Variants in ZSWIM5 observed in about 807,000 individuals in gnomAD.
ZSWIM5 encodes zinc finger SWIM domain-containing protein 5.
A neutral mutation model predicts 119.6 loss-of-function variants in ZSWIM5; 55 were observed. That is an observed-to-expected ratio of 0.46 (90% confidence interval 0.37 to 0.58). The LOEUF is 0.58. ZSWIM5 is among the 20% of genes least tolerant of loss of function. The pLI is 0.00. For synonymous variants in ZSWIM5, 537 were observed against 606.9 expected (o/e 0.88, Z 1.69); for missense variants, 1,193 against 1,512.8 (o/e 0.79, Z 3.51).
At chr1:45,107,573 C>T (rs931008169) in intron 1 of ZSWIM5, among the ~76,000 whole-genome samples, 11 of 135,398 alleles carry the variant, frequency 8.1e-5, no homozygotes, top group Non-Finnish European at 1.4e-4. Flanking sequence ...ACCCGGGAGG[C>T]GGAGCTTGCA....
intron 11 of ZSWIM5, among the ~76,000 whole-genome samples, chr1:45,026,965 T>A (rs1324327367): frequency 2.6e-5 from 4 of 152,256 alleles, no homozygotes; most frequent in African/African-American, 9.6e-5. Flanking sequence ...AAGAAATTGG[T>A]CCATCTAATT....
At chr1:45,193,558 C>T (rs1320681690) in intron 1 of ZSWIM5, among the ~76,000 whole-genome samples, 1 of 151,888 alleles carries the variant, frequency 6.6e-6, no homozygotes, top group Non-Finnish European at 1.5e-5. Flanking sequence ...AGAATGAGGA[C>T]TAGAAAAAAG....
intron 1 of ZSWIM5, among the ~76,000 whole-genome samples, chr1:45,178,338 C>T (rs1323418768): frequency 2.0e-5 from 3 of 152,078 alleles, no homozygotes; most frequent in Non-Finnish European, 4.4e-5. Flanking sequence ...GCTGGAGAGT[C>T]GCTTGAACCT....
At chr1:45,034,593 A>G in intron 10 of ZSWIM5, 124 bp from the exon 11 acceptor site, 4 of 1,206,092 alleles carry the variant, frequency 3.3e-6, no homozygotes, top group Non-Finnish European at 4.5e-6. Context: ...AGAGCTTTGA[A>G]GGTTTTTAAA....
Position 45,025,759 on chromosome 1 carries a change from GCAATATGTACAATCCCTTCCTTTC to G in ZSWIM5, c.2450-4995_2450-4972del, listed in dbSNP as rs564710370. On this transcript the variant is annotated intron_variant, in intron 11 of 13. Coordinates refer to ENST00000359600, the MANE Select transcript of ZSWIM5 (RefSeq NM_020883.2). ...ACATAGTCAATCATGTCATTTGTGA[GCAATATGTACAATCCCTTCCTTTC>G]CAATATGTACAATCCCTGGCTTACA... Among the ~76,000 whole-genome samples the G allele has an allele frequency of 1.1e-4, 16 of 152,274 alleles. No homozygotes were observed. In the South Asian group the frequency reaches 3.1e-3, roughly 30 times the overall value.
intron 1 of ZSWIM5, among the ~76,000 whole-genome samples, chr1:45,194,741 G>A (rs564833537): frequency 2.2e-3 from 333 of 152,160 alleles, no homozygotes; most frequent in Non-Finnish European, 3.4e-3. Context: ...GCCAGGCGTG[G>A]TGGCGGGCAT....
chr1:45,189,955 C>T lies in ZSWIM5; in HGVS notation c.595+15801G>A, dbSNP rs1190897392. ...TTGATACTTCCCAGCCCAATGTTGACAGTAAATGAACAAACGCAGTGGGCA... is the reference window on the plus strand; with the variant it reads ...TTGATACTTCCCAGCCCAATGTTGATAGTAAATGAACAAACGCAGTGGGCA... On this transcript the variant is annotated intron_variant, in intron 1 of 13. Transcript: ENST00000359600. Among the ~76,000 whole-genome samples, 4 of 152,142 alleles carry T rather than the reference C, an allele frequency of 2.6e-5. No homozygotes were observed. In the East Asian group the frequency reaches 5.8e-4, roughly 22 times the overall value.
At chr1:45,076,272 C>T (rs565939625) in intron 2 of ZSWIM5, among the ~76,000 whole-genome samples, 1 of 152,156 alleles carries the variant, frequency 6.6e-6, no homozygotes, top group African/African-American at 2.4e-5. Context: ...GATAGAAGTA[C>T]TCTCTTTTAG....
chr1:45,162,393 G>T (rs1392014971), intron 1 of ZSWIM5, among the ~76,000 whole-genome samples: 1 of 152,216 alleles, frequency 6.6e-6, no homozygotes, highest in East Asian at 1.9e-4. Flanking sequence ...CCAGTCTACA[G>T]CTCCCAGGGT....
rs542098902 is a variant in ZSWIM5 at position 45,149,856 on chromosome 1, C to T, written c.595+55900G>A. Among the ~76,000 whole-genome samples, 18 of 152,176 alleles carry T rather than the reference C, an allele frequency of 1.2e-4. No individual in the cohort carries two copies. In the South Asian group the frequency reaches 3.5e-3, roughly 30 times the overall value. Reference sequence around the variant, plus strand: ...AAAAATTAATCCATTAACTTTTAAACTACCATATAAAAGGGACAAGAAGGA... The same window carrying T: ...AAAAATTAATCCATTAACTTTTAAATTACCATATAAAAGGGACAAGAAGGA... On this transcript the variant is annotated intron_variant, in intron 1 of 13. Coordinates refer to ENST00000359600, the MANE Select transcript of ZSWIM5 (RefSeq NM_020883.2).
At chr1:45,026,941 A>G (rs985524320) in intron 11 of ZSWIM5, among the ~76,000 whole-genome samples, 1 of 152,070 alleles carries the variant, frequency 6.6e-6, no homozygotes, top group African/African-American at 2.4e-5. Flanking sequence ...GAGTTTTGGT[A>G]GATTGTTTTT....
Position 45,206,605 on chromosome 1 carries a change from C to T in ZSWIM5, c.-255G>A, listed in dbSNP as rs1361257697. 3 of 918,178 alleles carry T rather than the reference C, an allele frequency of 3.3e-6. No individual in the cohort carries two copies. The highest frequency in any genetic ancestry group is 2.3e-4 in the East Asian group (2 of 8,580). The allele number at this position is 918,178 out of a possible 1,614,324, so 56.9% of individuals were successfully genotyped here. A position where few individuals can be genotyped will look rare whatever the true frequency, so the allele number is the denominator to read the frequency against. Reference sequence around the variant, plus strand: ...GTCCTGGCCGCCGCGGACGCGAAGACAGGCGGGAGCGAGCGCGGGCCCGCG... The same window carrying T: ...GTCCTGGCCGCCGCGGACGCGAAGATAGGCGGGAGCGAGCGCGGGCCCGCG... On this transcript the variant is annotated 5_prime_UTR_variant, in exon 1 of 14. Transcript: ENST00000359600.
intron 1 of ZSWIM5, among the ~76,000 whole-genome samples, chr1:45,177,902 T>C (rs948396504): frequency 6.6e-5 from 10 of 152,012 alleles, no homozygotes; most frequent in African/African-American, 2.4e-4. Flanking sequence ...TAAAAGTTTA[T>C]CTCTATTTGA....
chr1:45,056,974 G>C (rs1168335295), intron 4 of ZSWIM5, among the ~76,000 whole-genome samples: 1 of 152,148 alleles, frequency 6.6e-6, no homozygotes, highest in African/African-American at 2.4e-5. Context: ...ACCCTGCCTA[G>C]GTTCTCCATA....
At chr1:45,109,699 C>T (rs1002715169) in intron 1 of ZSWIM5, among the ~76,000 whole-genome samples, 3 of 149,998 alleles carry the variant, frequency 2.0e-5, no homozygotes, top group Non-Finnish European at 2.9e-5. Context: ...GAGCCAAGAT[C>T]GAGCCACTGC....
chr1:45,206,261 A>G lies in ZSWIM5; in HGVS notation c.90T>C (p.Ala30=). 1 of 1,583,762 alleles carries G rather than the reference A, an allele frequency of 6.3e-7. No homozygotes were observed. The highest frequency in any genetic ancestry group is 2.3e-5 in the East Asian group (1 of 43,502). The part of the protein sequence containing the change: ...KRQCSWPSPQ[A]HHPRGSPGAA... ...CCCCAGGCGAACCGCGAGGGTGATGAGCCTGCGGGCTGGGCCACGAACACT... is the reference window on the plus strand; with the variant it reads ...CCCCAGGCGAACCGCGAGGGTGATGGGCCTGCGGGCTGGGCCACGAACACT... Residue 30 remains alanine (A), a synonymous_variant, in exon 1 of 14, where the codon GCT becomes GCC. Coordinates refer to ENST00000359600, the MANE Select transcript of ZSWIM5 (RefSeq NM_020883.2).
rs190442952 is a variant in ZSWIM5, at chr1:45,173,161, T to C, written c.595+32595A>G. 7.9e-5 allele frequency among the ~76,000 whole-genome samples: 12 copies of C among 152,198 alleles called. No homozygotes were observed. In the East Asian group the frequency reaches 2.1e-3, roughly 27 times the overall value. On this transcript the variant is annotated intron_variant, in intron 1 of 13. Transcript: ENST00000359600. ...GCCTGGGTGACATAGCAAGACCTTG[T>C]CTCAAAAATTATAATCATCACCAAT... is the stretch of plus-strand genomic sequence containing the variant.
At chr1:45,114,529 G>C (rs1186589420) in intron 1 of ZSWIM5, among the ~76,000 whole-genome samples, 4 of 152,058 alleles carry the variant, frequency 2.6e-5, no homozygotes, top group Non-Finnish European at 5.9e-5. Flanking sequence ...CGCTATTTTA[G>C]TGGAGACTTC....
chr1:45,144,376 A>AAAG (rs1161337062), intron 1 of ZSWIM5, among the ~76,000 whole-genome samples: 1 of 151,800 alleles, frequency 6.6e-6, no homozygotes, highest in Non-Finnish European at 1.5e-5. Context: ...AAAAAAAAAA[A>AAAG]AGAAAAAATT....
Sources: gnomAD v4.1 joint callset for allele counts (sites outside exome capture counted in the v4.1 genomes callset) on GRCh38, gnomAD v4.1.1 for gene constraint, MANE v1.5 for transcripts, NCBI Gene and HGNC (gene_info 2026-07-23, HGNC 2026-07-21) for gene names.